Variants in OTOG observed in about 807,000 individuals in gnomAD.
OTOG encodes otogelin.
In OTOG, 296 loss-of-function variants were observed where a neutral mutation model predicts 313.8. That is an observed-to-expected ratio of 0.94 (90% CI 0.86 to 1.04). OTOG has a LOEUF of 1.04. Ranked by LOEUF, OTOG falls within the 50% of genes least tolerant of loss-of-function variation. OTOG has a pLI of 0.00. For synonymous variants in OTOG, 1,533 were observed against 1,554.9 expected (o/e 0.99, Z 0.33); for missense variants, 3,948 against 3,840.1 (o/e 1.03, Z -0.74).
Position 17,631,830 on chromosome 11 carries a change from A to T in OTOG, c.6841A>T (p.Thr2281Ser). 2 of 1,550,532 alleles carry T rather than the reference A, an allele frequency of 1.3e-6. No homozygotes were observed. Among genetic ancestry groups the T allele is most frequent in the Non-Finnish European group, 1.7e-6 (2 of 1,146,968 alleles). Residue 2281 changes from threonine (T) to serine (S), a missense_variant, in exon 41 of 56, where the codon ACC (threonine) becomes TCC (serine). Physicochemically the swap from Thr to Ser is moderately conservative, Grantham distance 58. Coordinates refer to ENST00000399397, the MANE Select transcript of OTOG (RefSeq NM_001292063.2). ...VPSSLTSVGQ[T>S]RFRPDSCATT... The stretch of plus-strand genomic sequence containing the variant: ...CAGCTCCCTGACCTCAGTGGGCCAG[A>T]CCCGCTTCCGCCCAGACAGCTGCGC...
intron 23 of OTOG, among the ~76,000 whole-genome samples, chr11:17,580,110 G>C (rs1391588206): frequency 6.6e-6 from 1 of 152,180 alleles, no homozygotes; most frequent in Non-Finnish European, 1.5e-5. Flanking sequence ...TGAGAGTTCC[G>C]ACTGTCTGGC....
intron 33 of OTOG, among the ~76,000 whole-genome samples, chr11:17,606,713 T>C (rs2134083592): frequency 6.6e-6 from 1 of 152,340 alleles, no homozygotes; most frequent in Admixed American, 6.5e-5. Context: ...ATTTCTTCAC[T>C]GTTTTCTCTG....
At chr11:17,640,234 A>G (rs184732199) in intron 49 of OTOG, among the ~76,000 whole-genome samples, 144 of 152,304 alleles carry the variant, frequency 9.5e-4, no homozygotes, top group Non-Finnish European at 1.8e-3. Context: ...TCCTGCAAAC[A>G]AGGAAGCTAA....
Position 17,548,201 on chromosome 11 carries a change from G to A in OTOG, c.205G>A (p.Val69Met), listed in dbSNP as rs781545227. The A allele has an allele frequency of 7.8e-6, 12 of 1,547,292 alleles. No homozygotes were observed. Among genetic ancestry groups the A allele is most frequent in the South Asian group, 4.8e-5 (4 of 83,488 alleles). Reference sequence around the variant, plus strand: ...TGCCATGGGGGACAAGGCTACAGTCGTGGGAGGCCAGGTAAGGGAGGTCTT... The same window carrying A: ...TGCCATGGGGGACAAGGCTACAGTCATGGGAGGCCAGGTAAGGGAGGTCTT... ...TLAMGDKATVVGGQQAEAPDS... is the reference protein window; with the variant it reads ...TLAMGDKATVMGGQQAEAPDS... Residue 69 changes from valine (V) to methionine (M), a missense_variant, in exon 3 of 56, where the codon GTG (valine) becomes ATG (methionine). Transcript: ENST00000399397.
chr11:17,553,402 G>A lies in OTOG; in HGVS notation c.423G>A (p.Arg141=). The change falls in exon 6 of 56, where the codon CGG becomes CGA. Residue 141 remains arginine, a synonymous_variant. Transcript: ENST00000399397. ...GCCCTGAGAGGGACAGCATTTGCCG[G>A]GCGTGGGGGCAGCACCACGTGGAGA... is the stretch of plus-strand genomic sequence containing the variant. ...NAGPERDSIC[R]AWGQHHVETF... is the part of the protein sequence containing the mutation. 6.8e-7 allele frequency: 1 copy of A among 1,467,054 alleles called. No individual in the cohort carries two copies. Among genetic ancestry groups the A allele is most frequent in the Admixed American group, 2.6e-5 (1 of 38,260 alleles). 90.9% of individuals were successfully genotyped at this position (1,467,054 alleles called of 1,614,324 possible). A position where few individuals can be genotyped will look rare whatever the true frequency, so the allele number is the denominator to read the frequency against.
intron 17 of OTOG, among the ~76,000 whole-genome samples, chr11:17,570,935 G>A (rs529343975): frequency 2.0e-5 from 3 of 152,110 alleles, no homozygotes; most frequent in East Asian, 3.9e-4. Flanking sequence ...GAGTTTGCAC[G>A]CCGTGAGCCT....
rs60754867 is a variant in OTOG at position 17,578,711 on chromosome 11, TG to T, written c.2759+187del. Among the ~76,000 whole-genome samples the T allele has an allele frequency of 0.011, 1,649 of 152,182 alleles. 22 individuals carry two copies. The highest frequency in any genetic ancestry group is 0.037 in the African/African-American group (1,551 of 41,544). The stretch of plus-strand genomic sequence containing the variant: ...AAGAGGAGAGGCTGGGGATCCAGCC[TG>T]GAGTGTGGGCTGGAGGAGGGAGAGC... On this transcript the variant is annotated intron_variant, in intron 23 of 55. Transcript: ENST00000399397.
chr11:17,611,814 C>CTGTG (rs3073108), intron 36 of OTOG, among the ~76,000 whole-genome samples: 9 of 150,762 alleles, frequency 6.0e-5, no homozygotes, highest in East Asian at 1.9e-4. Flanking sequence ...TTGTGAGAAA[C>CTGTG]TGTGTGTGTG....
chr11:17,606,371 T>C (rs1401469437), intron 33 of OTOG, among the ~76,000 whole-genome samples: 2 of 152,252 alleles, frequency 1.3e-5, no homozygotes, highest in Admixed American at 6.5e-5. Context: ...GGGTCCTGCC[T>C]TCTGCCACAG....
At chr11:17,558,031 T>C (rs1361424375) in intron 8 of OTOG, among the ~76,000 whole-genome samples, 154 bp from the exon 9 acceptor site, 2 of 152,124 alleles carry the variant, frequency 1.3e-5, no homozygotes, top group African/African-American at 4.8e-5. Flanking sequence ...AATGGCTCAG[T>C]TGGGAAACCC....
Position 17,646,001 on chromosome 11 carries a change from G to C in OTOG, c.*57G>C. 6.6e-7 allele frequency: 1 copy of C among 1,513,082 alleles called. No individual in the cohort carries two copies. Among genetic ancestry groups the C allele is most frequent in the South Asian group, 1.2e-5 (1 of 83,414 alleles). The allele number at this position is 1,513,082 out of a possible 1,614,324, so 93.7% of individuals were successfully genotyped here. ...CTGCCAGCCCCACTTTCTGTTTCCAGCTGGCCCAATGTGAATGGGGGTATT... is the reference window on the plus strand; with the variant it reads ...CTGCCAGCCCCACTTTCTGTTTCCACCTGGCCCAATGTGAATGGGGGTATT... On this transcript the variant is annotated 3_prime_UTR_variant, in exon 56 of 56. Transcript: ENST00000399397.
chr11:17,631,912 G>A lies in OTOG; in HGVS notation c.6923G>A (p.Cys2308Tyr), dbSNP rs1354609943. 7.1e-6 allele frequency: 11 copies of A among 1,549,724 alleles called. No homozygotes were observed. The highest frequency in any genetic ancestry group is 9.6e-6 in the Non-Finnish European group (11 of 1,147,002). ...GTGTCCAACCGCACCTTCAGTGCCTGCCACCGCTTTGTATGTGCCAACTGG... is the reference window on the plus strand; with the variant it reads ...GTGTCCAACCGCACCTTCAGTGCCTACCACCGCTTTGTATGTGCCAACTGG... The part of the protein sequence containing the change: ...RMVSNRTFSA[C>Y]HRFVPPESFC... The change falls in exon 41 of 56, where the codon TGC becomes TAC. Residue 2308 changes from cysteine (C) to tyrosine (Y), a missense_variant. Physicochemically the swap from Cys to Tyr is radical, Grantham distance 194 (BLOSUM62 -2). Transcript: ENST00000399397.
rs1432455219 is a variant in OTOG, at chr11:17,557,315, C to A, written c.857C>A (p.Thr286Asn). 1 of 1,550,332 alleles carries A rather than the reference C, an allele frequency of 6.5e-7. No homozygotes were observed. Among genetic ancestry groups the A allele is most frequent in the African/African-American group, 1.4e-5 (1 of 72,980 alleles). Residue 286 changes from threonine (T) to asparagine (N), a missense_variant, in exon 8 of 56, where the codon ACC (threonine) becomes AAC (asparagine). Physicochemically the swap from Thr to Asn is moderately conservative, Grantham distance 65 (BLOSUM62 0). Transcript: ENST00000399397. ...GCTGACCCCAAGGATGATCTGGTGA[C>A]CAGCTCTGGTGAGGGTCAGACAGGT... ...NNADPKDDLVTSSGKLTDDVV... is the reference protein window; with the variant it reads ...NNADPKDDLVNSSGKLTDDVV...
intron 22 of OTOG, among the ~76,000 whole-genome samples, chr11:17,577,652 G>C (rs193289337): frequency 6.6e-6 from 1 of 152,048 alleles, no homozygotes; most frequent in African/African-American, 2.4e-5. Flanking sequence ...CATGTTTTGT[G>C]TATAATCCTG....
In OTOG at chr11:17,635,605, C is replaced by T. The variant is rs1304589963; in HGVS notation, c.7694-5C>T. On this transcript the variant is annotated splice_polypyrimidine_tract_variant and splice_region_variant and intron_variant, in intron 46 of 55. Transcript: ENST00000399397. ...TGTGACAGCATTGACCCTCTTCCCC[C>T]TCAGCCTGTGGTGACTGTCCAGACT... 1 of 1,549,568 alleles carries T rather than the reference C, an allele frequency of 6.5e-7. No homozygotes were observed. The highest frequency in any genetic ancestry group is 8.7e-7 in the Non-Finnish European group (1 of 1,146,146).
intron 40 of OTOG, among the ~76,000 whole-genome samples, chr11:17,630,440 A>G (rs754809133): frequency 2.6e-5 from 4 of 152,236 alleles, no homozygotes; most frequent in African/African-American, 4.8e-5. Flanking sequence ...GACCATGGGA[A>G]CCATTAATAA....
rs1854263401 is a variant in OTOG, at chr11:17,636,216, G to C, written c.7795+505G>C. On this transcript the variant is annotated intron_variant, in intron 47 of 55. Coordinates refer to ENST00000399397, the MANE Select transcript of OTOG (RefSeq NM_001292063.2). ...GCCTGGTACCTGTATGTATGATACT[G>C]TATATACATGTAGACATGTATAGTA... Among the ~76,000 whole-genome samples, 3 of 152,218 alleles carry C rather than the reference G, an allele frequency of 2.0e-5. No homozygotes were observed. The South Asian group carries it at 6.2e-4, about 32-fold the overall frequency.
At position 17,555,836 on chromosome 11, in the gene OTOG, CTCT is replaced by C. The variant is rs753906203; in HGVS notation, c.603_605del (p.Phe202del). The C allele has an allele frequency of 1.3e-3, 2,092 of 1,550,910 alleles. 2 individuals carry two copies. Among genetic ancestry groups the C allele is most frequent in the Non-Finnish European group, 1.7e-3 (1,932 of 1,147,070 alleles). The stretch of plus-strand genomic sequence containing the variant: ...CTACACCTGCTCCAGGGCTGTCAGC[CTCT>C]TCTTTGTGGGTGAGCAGGAGATCCA... On this transcript the variant is annotated inframe_deletion, in exon 7 of 56. Transcript: ENST00000399397.
intron 3 of OTOG, among the ~76,000 whole-genome samples, chr11:17,548,418 CTTTTTTTTT>C (rs56402246): frequency 1.1e-3 from 94 of 87,574 alleles, no homozygotes; most frequent in Middle Eastern, 6.8e-3. Flanking sequence ...ATAGTCCACT[CTTTTTTTTT>C]TTTTTTTTTT....
Sources: allele counts gnomAD v4.1 joint callset (sites outside exome capture counted in the v4.1 genomes callset), GRCh38; gene constraint gnomAD v4.1.1; transcripts MANE v1.5; gene names NCBI Gene and HGNC (gene_info 2026-07-23, HGNC 2026-07-21).